The following VWA8 variants were observed in gnomAD, a reference collection of about 807,000 sequenced individuals.
VWA8 encodes von Willebrand factor A domain-containing protein 8.
Under a neutral mutation model 241.5 loss-of-function variants are expected in VWA8, and 221 were observed. That is an observed-to-expected ratio of 0.91 (90% CI 0.82 to 1.02). The LOEUF is 1.02. Among genes scored for constraint, VWA8 ranks in the 50% least tolerant of loss-of-function variants. The probability of loss-of-function intolerance (pLI) is 0.00; values close to 1 mark genes in which losing one functional copy is unlikely to be tolerated. For missense variants in VWA8, 2,322 were observed against 2,328.7 expected, an observed-to-expected ratio of 1.00 and a Z score of 0.06; for synonymous variants, 852 against 827.1, an observed-to-expected ratio of 1.03 and a Z score of -0.52.
In VWA8 at chr13:41,811,400, A is replaced by G. The variant is rs1870466436; in HGVS notation, c.1948-60T>C. ...TGTTTCAACTTGCTAAAGTCCCTTT[A>G]GATGGATATCACAGCAGAATTCATT... On this transcript the variant is annotated intron_variant, in intron 16 of 44. Transcript: ENST00000379310. The G allele has an allele frequency of 7.3e-6, 10 of 1,365,014 alleles. No homozygotes were observed. In the South Asian group the frequency reaches 1.3e-4, roughly 18 times the overall value. 84.6% of individuals were successfully genotyped at this position (1,365,014 alleles called of 1,614,324 possible).
At chr13:41,863,429 G>A (rs376387961) in intron 12 of VWA8, among the ~76,000 whole-genome samples, 20,601 of 68,138 alleles carry the variant, frequency 0.3, 3,054 homozygotes, top group Non-Finnish European at 0.39. Flanking sequence ...GTGTGTGTGT[G>A]TGTGTATATA....
chr13:41,842,394 A>G (rs2138018471), intron 12 of VWA8, among the ~76,000 whole-genome samples: 1 of 152,342 alleles, frequency 6.6e-6, no homozygotes, highest in Admixed American at 6.5e-5. Flanking sequence ...CCTGTAGCAC[A>G]TAAAATTAAC....
intron 9 of VWA8, among the ~76,000 whole-genome samples, chr13:41,880,790 C>T (rs560853454): frequency 6.6e-6 from 1 of 152,260 alleles, no homozygotes; most frequent in East Asian, 1.9e-4. Flanking sequence ...TCAATTTGTC[C>T]CACCTGGTCA....
intron 40 of VWA8, among the ~76,000 whole-genome samples, chr13:41,598,179 A>G (rs997740707): frequency 6.6e-6 from 1 of 152,030 alleles, no homozygotes; most frequent in African/African-American, 2.4e-5. Flanking sequence ...TTGAACTTAT[A>G]TTTCCCTTAT....
At position 41,717,233 on chromosome 13, in the gene VWA8, G is replaced by A. The variant is rs548859136; in HGVS notation, c.3116+2358C>T. Among the ~76,000 whole-genome samples, 6 of 150,836 alleles carry A rather than the reference G, an allele frequency of 4.0e-5. 1 individual carries two copies. The South Asian group carries it at 1.3e-3, about 32-fold the overall frequency. Reference sequence around the variant, plus strand: ...TTCTCAAAAATGTCCTGATTTAGATGGTAAATCAAATATTTTTAAAAATAA... The same window carrying A: ...TTCTCAAAAATGTCCTGATTTAGATAGTAAATCAAATATTTTTAAAAATAA... On this transcript the variant is annotated intron_variant, in intron 26 of 44. Transcript: ENST00000379310.
At chr13:41,861,387 A>T (rs1235095397) in intron 12 of VWA8, among the ~76,000 whole-genome samples, 1 of 152,204 alleles carries the variant, frequency 6.6e-6, no homozygotes, top group Admixed American at 6.5e-5. Flanking sequence ...TCTTTTTAAC[A>T]ACTGGAATAA....
intron 25 of VWA8, among the ~76,000 whole-genome samples, chr13:41,720,718 C>G (rs1343947654): frequency 6.6e-6 from 1 of 152,152 alleles, no homozygotes; most frequent in Non-Finnish European, 1.5e-5. Flanking sequence ...CCCCACCTTT[C>G]TACTTTTCTT....
In VWA8 at chr13:41,846,830, A is replaced by G. The variant is rs1872311719; in HGVS notation, c.1426-13299T>C. 1.3e-5 allele frequency among the ~76,000 whole-genome samples: 2 copies of G among 152,178 alleles called. 1 individual carries two copies. The highest frequency in any genetic ancestry group is 4.1e-4 in the South Asian group (2 of 4,832). On this transcript the variant is annotated intron_variant, in intron 12 of 44. Transcript: ENST00000379310. ...GGTAGGCGGATCACCTGAGGCCAGG[A>G]GTTCAAGACCAGCCCGGCCAACATG... is the stretch of plus-strand genomic sequence containing the variant.
intron 41 of VWA8, among the ~76,000 whole-genome samples, chr13:41,587,943 T>C (rs1345415849): frequency 2.6e-5 from 4 of 152,254 alleles, no homozygotes; most frequent in Admixed American, 2.0e-4. Context: ...TCTAGTAAAG[T>C]TGACTTACCG....
At chr13:41,577,200 A>G (rs1367686978) in intron 42 of VWA8, among the ~76,000 whole-genome samples, 1 of 152,230 alleles carries the variant, frequency 6.6e-6, no homozygotes, top group Non-Finnish European at 1.5e-5. Flanking sequence ...TGGGAGGGTC[A>G]TGGTCAGAGG....
rs766348152 is a variant in VWA8, at chr13:41,699,140, C to A, written c.3495G>T (p.Trp1165Cys). 1 of 1,614,082 alleles carries A rather than the reference C, an allele frequency of 6.2e-7. No individual in the cohort carries two copies. Among genetic ancestry groups the A allele is most frequent in the East Asian group, 2.2e-5 (1 of 44,874 alleles). The change falls in exon 29 of 45, where the codon TGG becomes TGT. Residue 1165 changes from tryptophan to cysteine, a missense_variant. Physicochemically the swap from Trp to Cys is radical, Grantham distance 215 (BLOSUM62 -2). Transcript: ENST00000379310. ...DIFPRTANGV[W>C]HPFVTVAPLG... is the part of the protein sequence containing the mutation. The stretch of plus-strand genomic sequence containing the variant: ...GCGGTGCCACTGTCACAAAAGGGTG[C>A]CAAACGCCATTGGCTGTTCTTGGGA...
At chr13:41,926,788 C>A in intron 2 of VWA8, 2 of 549,596 alleles carry the variant, frequency 3.6e-6, no homozygotes, top group Non-Finnish European at 7.4e-6. Flanking sequence ...TTGAGAAAGC[C>A]CTGGGGGGTA....
At chr13:41,833,999 G>A (rs1871602904) in intron 12 of VWA8, among the ~76,000 whole-genome samples, 1 of 152,166 alleles carries the variant, frequency 6.6e-6, no homozygotes, top group African/African-American at 2.4e-5. Flanking sequence ...TTTTCTAGCA[G>A]TTGATGAGTT....
intron 13 of VWA8, among the ~76,000 whole-genome samples, chr13:41,833,002 G>A (rs905907066): frequency 1.3e-5 from 2 of 151,876 alleles, no homozygotes; most frequent in Non-Finnish European, 2.9e-5. Context: ...GATTGATAAG[G>A]AGTGTGTAAA....
At chr13:41,911,949 C>T in intron 3 of VWA8, 89 bp downstream of exon 3, 1 of 1,291,390 alleles carries the variant, frequency 7.7e-7, no homozygotes, top group Non-Finnish European at 1.0e-6. Context: ...ATGACTAATT[C>T]TGATATTTTT....
At chr13:41,670,873 TGA>T in intron 37 of VWA8, 71 bp downstream of exon 37, 2 of 1,559,154 alleles carry the variant, frequency 1.3e-6, no homozygotes, top group Non-Finnish European at 1.8e-6. Flanking sequence ...GAAATTTTCA[TGA>T]CTGTGGCATC....
chr13:41,808,225 T>C (rs1419899317), intron 17 of VWA8, among the ~76,000 whole-genome samples: 2 of 152,176 alleles, frequency 1.3e-5, no homozygotes, highest in Admixed American at 6.5e-5. Flanking sequence ...AAGCCATATA[T>C]GACAGACCTA....
intron 20 of VWA8, among the ~76,000 whole-genome samples, chr13:41,770,489 C>G (rs1029252810): frequency 6.7e-6 from 1 of 149,028 alleles, no homozygotes; most frequent in Non-Finnish European, 1.5e-5. Flanking sequence ...AGAACTAGAA[C>G]TATAAAAGGA....
At chr13:41,876,364 TC>T (rs1000127625) in intron 9 of VWA8, among the ~76,000 whole-genome samples, 15 of 152,068 alleles carry the variant, frequency 9.9e-5, no homozygotes, top group Non-Finnish European at 2.9e-5. Context: ...CTGATTTCTC[TC>T]CTAATCACCT....
Sources: allele counts gnomAD v4.1 joint callset (sites outside exome capture counted in the v4.1 genomes callset), GRCh38; gene constraint gnomAD v4.1.1; transcripts MANE v1.5; gene names NCBI Gene and HGNC (gene_info 2026-07-23, HGNC 2026-07-21).